Variants in GRID2 observed in about 807,000 individuals in gnomAD.
GRID2 encodes the protein glutamate receptor ionotropic, delta-2.
Under a neutral mutation model 114.8 loss-of-function variants are expected in GRID2, and 33 were observed. The ratio of observed to expected loss-of-function variants is 0.29; its 90% CI spans 0.22 to 0.38. The LOEUF (loss-of-function observed/expected upper bound fraction) is 0.38. GRID2 is among the 10% of genes least tolerant of loss of function. GRID2 has a pLI of 1.00. For synonymous variants in GRID2, 505 were observed against 449.9 expected (o/e 1.12, Z -1.55); for missense variants, 1,184 against 1,257.7 (o/e 0.94, Z 0.89).
chr4:92,893,823 G>GATA lies in GRID2; in HGVS notation c.245-191168_245-191166dup, dbSNP rs1746968396. On this transcript the variant is annotated intron_variant, in intron 2 of 15. Coordinates refer to ENST00000282020, the MANE Select transcript of GRID2 (RefSeq NM_001510.4). Reference sequence around the variant, plus strand: ...ATTTATGAGGATAAGTTGAAATGCAGATAATATGTTTCGGGATAATGTAGA... The same window carrying GATA: ...ATTTATGAGGATAAGTTGAAATGCAGATAATAATATGTTTCGGGATAATGTAGA... Among the ~76,000 whole-genome samples, 3 of 152,172 alleles carry GATA rather than the reference G, an allele frequency of 2.0e-5. No individual in the cohort carries two copies. In the South Asian group the frequency reaches 6.2e-4, roughly 32 times the overall value.
chr4:92,623,120 T>A (rs1471337911), intron 2 of GRID2, among the ~76,000 whole-genome samples: 10 of 151,664 alleles, frequency 6.6e-5, no homozygotes, highest in Non-Finnish European at 4.4e-5. Context: ...TTCAGGCTGA[T>A]TATCTTTCAT....
chr4:92,425,700 CTG>C (rs1732127221), intron 1 of GRID2, among the ~76,000 whole-genome samples: 1 of 152,060 alleles, frequency 6.6e-6, no homozygotes, highest in Non-Finnish European at 1.5e-5. Context: ...CCAAAATAGA[CTG>C]TAGTTAGATT....
At chr4:92,443,583 C>T (rs968072402) in intron 1 of GRID2, among the ~76,000 whole-genome samples, 5 of 152,104 alleles carry the variant, frequency 3.3e-5, no homozygotes, top group African/African-American at 1.2e-4. Context: ...GTGATTGGGG[C>T]ACAGAGATAC....
chr4:93,186,929 A>G (rs1189146736), intron 4 of GRID2, among the ~76,000 whole-genome samples: 1 of 152,306 alleles, frequency 6.6e-6, no homozygotes, highest in African/African-American at 2.4e-5. Context: ...AAGAAGTCCA[A>G]AGTCAAGGCA....
chr4:93,480,989 T>C (rs1381738431), intron 11 of GRID2, among the ~76,000 whole-genome samples: 1 of 152,060 alleles, frequency 6.6e-6, no homozygotes, highest in African/African-American at 2.4e-5. Flanking sequence ...GCCAATCTAA[T>C]GAATTACTAC....
chr4:93,138,827 A>G (rs917307695), intron 4 of GRID2, among the ~76,000 whole-genome samples: 2 of 152,170 alleles, frequency 1.3e-5, no homozygotes, highest in African/African-American at 4.8e-5. Flanking sequence ...ATAATGTCCA[A>G]AGAATCTTTC....
intron 4 of GRID2, among the ~76,000 whole-genome samples, chr4:93,156,007 T>C (rs1190018710): frequency 6.6e-6 from 1 of 151,528 alleles, no homozygotes; most frequent in Non-Finnish European, 1.5e-5. Flanking sequence ...CGATAAATGC[T>C]CGAGGTGATG....
chr4:93,355,822 G>T (rs1186863192), intron 8 of GRID2, among the ~76,000 whole-genome samples: 4 of 151,972 alleles, frequency 2.6e-5, no homozygotes, highest in African/African-American at 7.2e-5. Flanking sequence ...CAATTCCTTG[G>T]CCAAAATTGG....
chr4:93,346,325 T>G (rs1339475305), intron 8 of GRID2, among the ~76,000 whole-genome samples: 3 of 152,140 alleles, frequency 2.0e-5, no homozygotes, highest in Non-Finnish European at 4.4e-5. Context: ...TTTTTAGAAA[T>G]GCCTCATGGT....
intron 8 of GRID2, among the ~76,000 whole-genome samples, chr4:93,388,410 G>T (rs1288748579): frequency 6.6e-6 from 1 of 152,084 alleles, no homozygotes; most frequent in Non-Finnish European, 1.5e-5. Flanking sequence ...TTGGTGTCGG[G>T]ATCTTTTTTT....
At chr4:93,379,478 G>C (rs904580886) in intron 8 of GRID2, among the ~76,000 whole-genome samples, 2 of 152,014 alleles carry the variant, frequency 1.3e-5, no homozygotes, top group Non-Finnish European at 1.5e-5. Flanking sequence ...GAGCAAAAAG[G>C]GGAGAGATCT....
At chr4:93,556,556 A>G (rs1734333601) in intron 13 of GRID2, among the ~76,000 whole-genome samples, 1 of 152,186 alleles carries the variant, frequency 6.6e-6, no homozygotes, top group Non-Finnish European at 1.5e-5. Flanking sequence ...AAGATTAGAG[A>G]AAAAAGGAAT....
At chr4:92,766,693 T>A (rs1738288993) in intron 2 of GRID2, among the ~76,000 whole-genome samples, 1 of 152,120 alleles carries the variant, frequency 6.6e-6, no homozygotes, top group Non-Finnish European at 1.5e-5. Flanking sequence ...GAAAAATACA[T>A]ATAATGTGAT....
intron 14 of GRID2, among the ~76,000 whole-genome samples, chr4:93,680,958 G>T (rs1481072146): frequency 1.3e-5 from 2 of 151,340 alleles, no homozygotes; most frequent in East Asian, 3.9e-4. Flanking sequence ...GGAAATATAA[G>T]GTATTCAATT....
intron 2 of GRID2, among the ~76,000 whole-genome samples, chr4:92,906,011 A>G (rs1747925250): frequency 6.6e-6 from 1 of 152,166 alleles, no homozygotes; most frequent in African/African-American, 2.4e-5. Flanking sequence ...GGGGTAGAAA[A>G]TGTGAATAAA....
rs1578220015 is a variant in GRID2, at chr4:92,809,557, A to T, written c.244+219271A>T. 2.6e-5 allele frequency among the ~76,000 whole-genome samples: 4 copies of T among 151,948 alleles called. No homozygotes were observed. In the East Asian group the frequency reaches 7.8e-4, roughly 29 times the overall value. On this transcript the variant is annotated intron_variant, in intron 2 of 15. Transcript: ENST00000282020. The stretch of plus-strand genomic sequence containing the variant: ...TCTTAGATTTGAAGGAGACCTCCAA[A>T]ATGGTCTTCTGTTCTAAATTGCAAC...
chr4:93,712,373 G>A (rs1728560173), intron 14 of GRID2, among the ~76,000 whole-genome samples: 1 of 152,012 alleles, frequency 6.6e-6, no homozygotes, highest in Non-Finnish European at 1.5e-5. Flanking sequence ...TATCATCATA[G>A]TTGTATTTTT....
intron 13 of GRID2, among the ~76,000 whole-genome samples, chr4:93,585,773 C>T (rs186992961): frequency 7.2e-4 from 109 of 152,052 alleles, no homozygotes; most frequent in African/African-American, 2.6e-3. Flanking sequence ...CAAGTTAATA[C>T]AAGTTATTTT....
At chr4:92,778,162 G>C (rs1023170895) in intron 2 of GRID2, among the ~76,000 whole-genome samples, 2 of 151,998 alleles carry the variant, frequency 1.3e-5, no homozygotes, top group Non-Finnish European at 2.9e-5. Flanking sequence ...CTGACCTTAT[G>C]TTCCCATCTC....
Sources: allele counts gnomAD v4.1 joint callset (sites outside exome capture counted in the v4.1 genomes callset), GRCh38; gene constraint gnomAD v4.1.1; transcripts MANE v1.5; gene names NCBI Gene and HGNC (gene_info 2026-07-23, HGNC 2026-07-21).